The following NPAS2 variants were observed in gnomAD, a reference collection of about 807,000 sequenced individuals.
NPAS2 encodes neuronal PAS domain-containing protein 2.
A neutral mutation model predicts 107.5 loss-of-function variants in NPAS2; 23 were observed. That is an observed-to-expected ratio of 0.21 (90% CI 0.15 to 0.30). The LOEUF (loss-of-function observed/expected upper bound fraction) is 0.30. Ranked by LOEUF, NPAS2 falls within the 10% of genes least tolerant of loss-of-function variation. The pLI, the probability that NPAS2 is intolerant of heterozygous loss-of-function variation, is 1.00. For synonymous variants in NPAS2, 403 were observed against 417.5 expected, an observed-to-expected ratio of 0.97 and a Z score of 0.42; for missense variants, 756 against 1,043.3, an observed-to-expected ratio of 0.72 and a Z score of 3.79.
rs993382958 is a variant in NPAS2, at chr2:100,940,931, T to C, written c.363+3089T>C. Among the ~76,000 whole-genome samples, 6 of 152,092 alleles carry C rather than the reference T, an allele frequency of 3.9e-5. No individual in the cohort carries two copies. In the South Asian group the frequency reaches 1.2e-3, roughly 32 times the overall value. ...AGGTGGAGGTCGGGACACAGGGTAG[T>C]CAGGGGGCAGGAGGCTGTGGGCCCC... On this transcript the variant is annotated intron_variant, in intron 5 of 20. Coordinates refer to ENST00000335681, the MANE Select transcript of NPAS2 (RefSeq NM_002518.4).
In NPAS2 at chr2:100,995,888, C is replaced by G; in HGVS notation, c.*306C>G. On this transcript the variant is annotated 3_prime_UTR_variant, in exon 21 of 21. Transcript: ENST00000335681. ...GTTTGCCGTCAGAGATGGCGCATCTCGCTGCATCCCCCGAGAGTACACCGG... is the reference window on the plus strand; with the variant it reads ...GTTTGCCGTCAGAGATGGCGCATCTGGCTGCATCCCCCGAGAGTACACCGG... 2.0e-6 allele frequency: 3 copies of G among 1,464,836 alleles called. No homozygotes were observed. Among genetic ancestry groups the G allele is most frequent in the Non-Finnish European group, 2.7e-6 (3 of 1,096,750 alleles). The allele number at this position is 1,464,836 out of a possible 1,614,324, so 90.7% of individuals were successfully genotyped here.
At chr2:100,826,426 G>T (rs1392335746) in intron 1 of NPAS2, among the ~76,000 whole-genome samples, 1 of 152,168 alleles carries the variant, frequency 6.6e-6, no homozygotes, top group Non-Finnish European at 1.5e-5. Context: ...TGGCAACAGA[G>T]CAAGACTTTG....
intron 1 of NPAS2, among the ~76,000 whole-genome samples, chr2:100,853,751 C>T (rs1433145060): frequency 1.3e-5 from 2 of 152,054 alleles, no homozygotes; most frequent in African/African-American, 4.8e-5. Flanking sequence ...CCAGGGGCAT[C>T]TGCAGCCAGG....
At chr2:100,914,953 A>G (rs1467473133) in intron 2 of NPAS2, among the ~76,000 whole-genome samples, 1 of 152,202 alleles carries the variant, frequency 6.6e-6, no homozygotes, top group African/African-American at 2.4e-5. Flanking sequence ...CTCCTAGCCT[A>G]GACTCAATGC....
intron 2 of NPAS2, among the ~76,000 whole-genome samples, chr2:100,918,429 C>T (rs1249249752): frequency 2.0e-5 from 3 of 152,116 alleles, no homozygotes; most frequent in African/African-American, 7.2e-5. Context: ...TAAAAACTCA[C>T]TCTGTAAGTT....
chr2:100,846,159 T>G (rs975712239), intron 1 of NPAS2, among the ~76,000 whole-genome samples: 1 of 152,340 alleles, frequency 6.6e-6, no homozygotes, highest in Non-Finnish European at 1.5e-5. Context: ...CCCATGGTTT[T>G]CTGCTTATAT....
chr2:100,884,349 T>G (rs1343421769), intron 1 of NPAS2, among the ~76,000 whole-genome samples: 1 of 151,996 alleles, frequency 6.6e-6, no homozygotes, highest in African/African-American at 2.4e-5. Context: ...CTTCAGAAGA[T>G]TAAAAAAAAA....
At chr2:100,857,621 G>T (rs1011179579) in intron 1 of NPAS2, among the ~76,000 whole-genome samples, 18 of 152,198 alleles carry the variant, frequency 1.2e-4, no homozygotes, top group African/African-American at 4.1e-4. Flanking sequence ...ATCGTGAAAG[G>T]CCACTGCCTC....
At position 100,971,135 on chromosome 2, in the gene NPAS2, C is replaced by T; in HGVS notation, c.1140+61C>T. The T allele has an allele frequency of 5.4e-6, 8 of 1,490,230 alleles. No individual in the cohort carries two copies. The South Asian group carries it at 6.8e-5, about 13-fold the overall frequency. The allele number at this position is 1,490,230 out of a possible 1,614,324, so 92.3% of individuals were successfully genotyped here. On this transcript the variant is annotated intron_variant, in intron 12 of 20. Transcript: ENST00000335681. ...TTGGCTAGGAAGAAAATGCAGCCAA[C>T]CAGTCTCTGAAACAAGGGTTTCTTT...
At chr2:100,995,194 C>CCG in intron 20 of NPAS2, 13 of 483,706 alleles carry the variant, frequency 2.7e-5, no homozygotes, top group Admixed American at 7.4e-5. Flanking sequence ...GAGAACTTAG[C>CCG]TTCAGAATTC....
intron 1 of NPAS2, among the ~76,000 whole-genome samples, chr2:100,904,015 G>A (rs536366064): frequency 9.2e-5 from 14 of 152,250 alleles, no homozygotes; most frequent in African/African-American, 2.6e-4. Context: ...GGATTGTTAC[G>A]TAATCTTTCA....
chr2:100,880,756 G>T (rs1371266745), intron 1 of NPAS2, among the ~76,000 whole-genome samples: 5 of 152,050 alleles, frequency 3.3e-5, no homozygotes, highest in Middle Eastern at 3.4e-3. Context: ...TATGTTATGT[G>T]AATTTTACCT....
chr2:100,943,176 G>C (rs1674683290), intron 5 of NPAS2, among the ~76,000 whole-genome samples: 1 of 152,216 alleles, frequency 6.6e-6, no homozygotes, highest in Admixed American at 6.5e-5. Context: ...CAGCAAGGTG[G>C]AGACGTCGCA....
chr2:100,913,518 G>C (rs1457048444), intron 2 of NPAS2, among the ~76,000 whole-genome samples: 1 of 152,164 alleles, frequency 6.6e-6, no homozygotes, highest in African/African-American at 2.4e-5. Context: ...CCTGATAGAC[G>C]TTATGGATAG....
intron 1 of NPAS2, among the ~76,000 whole-genome samples, chr2:100,897,095 C>T (rs141494254): frequency 0.01 from 1,530 of 152,038 alleles, 28 homozygotes; most frequent in African/African-American, 0.035. Flanking sequence ...TGGGGAAAAG[C>T]CCCTTATAAA....
At position 100,820,432 on chromosome 2, in the gene NPAS2, G is replaced by C. The variant is rs570211196; in HGVS notation, c.-23+18G>C. 2.2e-3 allele frequency: 328 copies of C among 150,946 alleles called. 1 individual carries two copies. The highest frequency in any genetic ancestry group is 0.013 in the South Asian group (63 of 4,814). The allele number at this position is 150,946 out of a possible 1,614,324, so 9.4% of individuals were successfully genotyped here. ...GCTCCGAGGTAAGGGGCCGCGCCTA[G>C]GGGCGCGGGGGACCCAGGGTGGGTA... On this transcript the variant is annotated intron_variant, in intron 1 of 20. Transcript: ENST00000335681. This position sits in a 1 kb window ranked among gnomAD's most constrained non-coding sequence, Gnocchi z 5.6.
chr2:100,968,275 C>G lies in NPAS2; in HGVS notation c.908-6C>G. ...GTTATATGCGGAATCCATTTTCTAC[C>G]GACAGTGATGCAGTTTGGCAAAGGG... On this transcript the variant is annotated splice_polypyrimidine_tract_variant and splice_region_variant and intron_variant, in intron 10 of 20. Coordinates refer to ENST00000335681, the MANE Select transcript of NPAS2 (RefSeq NM_002518.4). This position sits in a 1 kb window ranked among gnomAD's most constrained non-coding sequence, Gnocchi z 5.3. 6.2e-7 allele frequency: 1 copy of G among 1,613,366 alleles called. No homozygotes were observed. The highest frequency in any genetic ancestry group is 8.5e-7 in the Non-Finnish European group (1 of 1,179,506).
intron 1 of NPAS2, among the ~76,000 whole-genome samples, chr2:100,885,951 G>A (rs1421685595): frequency 6.6e-6 from 1 of 152,166 alleles, no homozygotes; most frequent in Non-Finnish European, 1.5e-5. Context: ...ATGAGCCACC[G>A]AACCCGGCTA....
At chr2:100,821,932 C>G (rs1052791457) in intron 1 of NPAS2, among the ~76,000 whole-genome samples, 3 of 152,208 alleles carry the variant, frequency 2.0e-5, no homozygotes, top group Admixed American at 2.0e-4. Context: ...TGGTATCTCT[C>G]AGCAGTCTAC....
Sources: allele counts gnomAD v4.1 joint callset (sites outside exome capture counted in the v4.1 genomes callset), GRCh38; gene constraint gnomAD v4.1.1; non-coding constraint Gnocchi (gnomAD v3.1); transcripts MANE v1.5; gene names NCBI Gene and HGNC (gene_info 2026-07-23, HGNC 2026-07-21).